DST: variants seen among roughly 807,000 people sequenced by gnomAD.
DST encodes the protein bullous pemphigoid antigen.
DST carries 253 observed loss-of-function variants against 875.2 expected under a neutral mutation model. The ratio of observed to expected loss-of-function variants is 0.29; its 90% CI spans 0.26 to 0.32. The LOEUF (loss-of-function observed/expected upper bound fraction) is 0.32. DST is among the 10% of genes least tolerant of loss of function. DST has a pLI of 1.00. For missense variants in DST, 8,287 were observed against 9,111.6 expected, an observed-to-expected ratio of 0.91 and a Z score of 3.68; for synonymous variants, 3,124 against 3,197.1, an observed-to-expected ratio of 0.98 and a Z score of 0.77.
chr6:56,807,351 C>T (rs2099754351), intron 4 of DST, among the ~76,000 whole-genome samples: 1 of 152,140 alleles, frequency 6.6e-6, no homozygotes, highest in African/African-American at 2.4e-5. Context: ...AGACTCAACA[C>T]AATTACAATC....
chr6:56,516,459 TAAATA>T (rs1368633435), intron 71 of DST, among the ~76,000 whole-genome samples: 1 of 152,150 alleles, frequency 6.6e-6, no homozygotes, highest in Non-Finnish European at 1.5e-5. Context: ...AGAGTATAAA[TAAATA>T]AAAGAGTGCA....
chr6:56,854,649 T>A (rs979830734), intron 3 of DST, among the ~76,000 whole-genome samples: 1 of 152,180 alleles, frequency 6.6e-6, no homozygotes, highest in African/African-American at 2.4e-5. Context: ...CTGAATGAAT[T>A]TAATTTTATT....
chr6:56,517,477 G>C (rs1268769086), intron 70 of DST, 24 bp downstream of exon 70: 1 of 1,607,738 alleles, frequency 6.2e-7, no homozygotes, highest in Admixed American at 1.7e-5. Flanking sequence ...AATTCATATG[G>C]CAATTGGAAA....
chr6:56,952,118 C>T (rs1822674190), intron 2 of DST, among the ~76,000 whole-genome samples: 1 of 152,124 alleles, frequency 6.6e-6, no homozygotes, highest in East Asian at 1.9e-4. Context: ...AAGGCAAATA[C>T]CACACAAAGA....
chr6:56,570,991 G>A (rs2097772239), intron 53 of DST, among the ~76,000 whole-genome samples: 1 of 152,162 alleles, frequency 6.6e-6, no homozygotes, highest in African/African-American at 2.4e-5. Context: ...ATAAACTGCT[G>A]CAGGTAGTCC....
At chr6:56,678,874 T>A (rs933165060) in intron 9 of DST, among the ~76,000 whole-genome samples, 3 of 152,216 alleles carry the variant, frequency 2.0e-5, no homozygotes, top group African/African-American at 7.2e-5. Flanking sequence ...CACAAATTGC[T>A]GCCGCCAGAG....
chr6:56,487,274 CTAAA>C lies in DST; in HGVS notation c.20878-5_20878-2del. Reference sequence around the variant, plus strand: ...TGGCTCCGAGTGATTTCTGAAACTCCTAAATATTTAACAAGAAAAAAATGCGAAT... The same window carrying C: ...TGGCTCCGAGTGATTTCTGAAACTCCTATTTAACAAGAAAAAAATGCGAAT... On this transcript the variant is annotated splice_acceptor_variant and splice_polypyrimidine_tract_variant and intron_variant, in intron 86 of 103. Transcript: ENST00000680361. LOFTEE classifies it high-confidence loss of function. 6.5e-7 allele frequency: 1 copy of C among 1,541,300 alleles called. No individual in the cohort carries two copies. Among genetic ancestry groups the C allele is most frequent in the Non-Finnish European group, 8.7e-7 (1 of 1,143,664 alleles).
intron 3 of DST, among the ~76,000 whole-genome samples, chr6:56,860,252 G>A (rs1770308773): frequency 6.6e-6 from 1 of 152,152 alleles, no homozygotes; most frequent in South Asian, 2.1e-4. Flanking sequence ...AGTGATGGAT[G>A]ACATTGCTGT....
intron 100 of DST, chr6:56,464,363 A>C: frequency 2.7e-6 from 1 of 372,212 alleles, no homozygotes; most frequent in Non-Finnish European, 4.8e-6. Flanking sequence ...ATGCAATAAC[A>C]AACACCAGAC....
At chr6:56,561,272 T>C (rs1405412813) in intron 57 of DST, 36 bp downstream of exon 57, 1 of 1,569,052 alleles carries the variant, frequency 6.4e-7, no homozygotes, top group African/African-American at 1.3e-5. Context: ...ATCCATTCTC[T>C]TTCATGTCTT....
At chr6:56,614,932 T>C (rs2152726650) in intron 36 of DST, 1 of 992,532 alleles carries the variant, frequency 1.0e-6, no homozygotes, top group Non-Finnish European at 1.2e-6. Flanking sequence ...CTCCAACACA[T>C]AATATTCATA....
intron 4 of DST, 32 bp from the exon 5 acceptor site, chr6:56,735,321 T>C (rs1032451488): frequency 2.3e-6 from 3 of 1,327,058 alleles, no homozygotes; most frequent in African/African-American, 2.9e-5. Flanking sequence ...AAAGATAAGG[T>C]TGGTAAAATC....
chr6:56,572,614 A>T, intron 52 of DST, 133 bp downstream of exon 52: 1 of 655,304 alleles, frequency 1.5e-6, no homozygotes, highest in Non-Finnish European at 2.4e-6. Flanking sequence ...TTCTTAAAGG[A>T]GTAAAACATA....
At chr6:56,926,280 A>G (rs1009498349) in intron 2 of DST, among the ~76,000 whole-genome samples, 8 of 152,232 alleles carry the variant, frequency 5.3e-5, no homozygotes, top group African/African-American at 1.7e-4. Context: ...TTCAACGAAT[A>G]TATTTTGAAA....
intron 37 of DST, among the ~76,000 whole-genome samples, chr6:56,613,080 T>C (rs2098558082): frequency 6.6e-6 from 1 of 152,022 alleles, no homozygotes; most frequent in East Asian, 1.9e-4. Context: ...ATACCAAGGG[T>C]TTATAATCAA....
chr6:56,639,698 A>G lies in DST; in HGVS notation c.2695T>C (p.Leu899=), dbSNP rs1356218201. 1.9e-6 allele frequency: 3 copies of G among 1,613,558 alleles called. No homozygotes were observed. Among genetic ancestry groups the G allele is most frequent in the East Asian group, 2.2e-5 (1 of 44,838 alleles). The change falls in exon 20 of 104, where the codon TTG becomes CTG. Residue 899 remains leucine (L), a splice_region_variant and synonymous_variant. Transcript: ENST00000680361. The stretch of plus-strand genomic sequence containing the variant: ...AAGGTTTAAAAAAAAAAACTTACCA[A>G]GAGTTTTGCATACTGACTCTCTAAT... ...HRLESQYAKL[L]NTSRNQERHL...
intron 82 of DST, among the ~76,000 whole-genome samples, chr6:56,495,727 G>A (rs1240539507): frequency 6.6e-6 from 1 of 151,646 alleles, no homozygotes; most frequent in Admixed American, 6.6e-5. Context: ...AACCAATAAC[G>A]ACAACAACAA....
intron 75 of DST, among the ~76,000 whole-genome samples, chr6:56,508,190 C>T (rs945654624): frequency 5.3e-5 from 8 of 152,040 alleles, no homozygotes; most frequent in African/African-American, 1.7e-4. Context: ...TGTACCACCA[C>T]GCTTAACTAA....
At chr6:56,678,745 A>G (rs2099142655) in intron 9 of DST, among the ~76,000 whole-genome samples, 1 of 152,190 alleles carries the variant, frequency 6.6e-6, no homozygotes, top group Non-Finnish European at 1.5e-5. Flanking sequence ...TCTACCAGAG[A>G]GAAAAACATT....
Sources: gnomAD v4.1 joint callset for allele counts (sites outside exome capture counted in the v4.1 genomes callset) on GRCh38, gnomAD v4.1.1 for gene constraint, MANE v1.5 for transcripts, NCBI Gene and HGNC (gene_info 2026-07-23, HGNC 2026-07-21) for gene names.